VEPH1: variants seen among roughly 807,000 people sequenced by gnomAD.
VEPH1 encodes ventricular zone expressed PH domain containing 1.
A neutral mutation model predicts 85.2 loss-of-function variants in VEPH1; 80 were observed. The ratio of observed to expected loss-of-function variants is 0.94; its 90% CI spans 0.78 to 1.13. The LOEUF (loss-of-function observed/expected upper bound fraction) is 1.13, where lower values mean the gene tolerates loss of function less well. VEPH1 is among the 50% of genes most tolerant of loss of function. The pLI, the probability that VEPH1 is intolerant of heterozygous loss-of-function variation, is 0.00. For synonymous variants in VEPH1, 297 were observed against 348.0 expected (o/e 0.85, Z 1.63); for missense variants, 955 against 980.5 (o/e 0.97, Z 0.35).
chr3:157,289,444 G>C (rs562219226), intron 11 of VEPH1, among the ~76,000 whole-genome samples: 1 of 152,318 alleles, frequency 6.6e-6, no homozygotes, highest in South Asian at 2.1e-4. Flanking sequence ...TGTGCTAAAG[G>C]ATATCCACGG....
rs145236315 is a variant in VEPH1, at chr3:157,441,832, T to C, written c.530-13344A>G. Among the ~76,000 whole-genome samples the C allele has an allele frequency of 2.5e-3, 375 of 151,868 alleles. 1 individual carries two copies. Among genetic ancestry groups the C allele is most frequent in the African/African-American group, 8.6e-3 (355 of 41,408 alleles). ...CTCAAAAAAAAAAAAAAATGTATTC[T>C]GCAATAACATCACTATCCTAGAATT... On this transcript the variant is annotated intron_variant, in intron 4 of 13. Coordinates refer to ENST00000362010, the MANE Select transcript of VEPH1 (RefSeq NM_001167912.2).
chr3:157,325,593 G>C (rs1721813503), intron 9 of VEPH1, among the ~76,000 whole-genome samples: 1 of 152,146 alleles, frequency 6.6e-6, no homozygotes, highest in Non-Finnish European at 1.5e-5. Context: ...TTATTGAATA[G>C]GGAATCCTTT....
At chr3:157,411,648 G>T (rs945697050) in intron 6 of VEPH1, among the ~76,000 whole-genome samples, 2 of 152,162 alleles carry the variant, frequency 1.3e-5, no homozygotes, top group African/African-American at 2.4e-5. Context: ...CTGATATCCA[G>T]ATATACTTGG....
intron 9 of VEPH1, among the ~76,000 whole-genome samples, chr3:157,325,626 G>A (rs142098103): frequency 6.6e-6 from 1 of 151,978 alleles, no homozygotes; most frequent in South Asian, 2.1e-4. Flanking sequence ...TTTTTGTCAG[G>A]TTTGTCAAAG....
intron 7 of VEPH1, among the ~76,000 whole-genome samples, chr3:157,378,027 G>A (rs1560010148): frequency 6.6e-6 from 1 of 151,988 alleles, no homozygotes; most frequent in African/African-American, 2.4e-5. Context: ...CAGGACATGG[G>A]CCAAACTTTC....
At chr3:157,353,077 G>A (rs984508249) in intron 9 of VEPH1, among the ~76,000 whole-genome samples, 2 of 152,130 alleles carry the variant, frequency 1.3e-5, no homozygotes, top group African/African-American at 4.8e-5. Flanking sequence ...CAGCAGAGGT[G>A]GGACTGGAAC....
intron 6 of VEPH1, among the ~76,000 whole-genome samples, chr3:157,392,450 A>G (rs1729950493): frequency 6.6e-6 from 1 of 152,138 alleles, no homozygotes. Flanking sequence ...GGTCCCTCCC[A>G]CCACATGTGG....
chr3:157,432,905 T>C (rs1269730283), intron 4 of VEPH1, among the ~76,000 whole-genome samples: 1 of 152,168 alleles, frequency 6.6e-6, no homozygotes, highest in Non-Finnish European at 1.5e-5. Flanking sequence ...TCTATGTAGA[T>C]CTTTTTATGT....
chr3:157,271,359 T>C (rs1241306774), intron 12 of VEPH1, among the ~76,000 whole-genome samples: 1 of 152,112 alleles, frequency 6.6e-6, no homozygotes, highest in Non-Finnish European at 1.5e-5. Context: ...AGGAAACAGA[T>C]GGCATCTCAA....
chr3:157,494,197 C>T (rs537734213), intron 2 of VEPH1, among the ~76,000 whole-genome samples: 15 of 152,248 alleles, frequency 9.9e-5, no homozygotes, highest in South Asian at 2.1e-4. Flanking sequence ...GGAGGCTGCA[C>T]GGGTTGCCAG....
chr3:157,313,902 G>T, intron 10 of VEPH1, 147 bp from the exon 11 acceptor site: 1 of 1,072,842 alleles, frequency 9.3e-7, no homozygotes. Flanking sequence ...CTGTCTTAAA[G>T]ATCGAACATA....
At chr3:157,387,618 C>T (rs1041560179) in intron 6 of VEPH1, among the ~76,000 whole-genome samples, 72 of 152,194 alleles carry the variant, frequency 4.7e-4, no homozygotes, top group African/African-American at 1.6e-3. Flanking sequence ...CTGTGGTAGA[C>T]GTCACCAGCT....
At chr3:157,365,672 T>C (rs930687295) in intron 7 of VEPH1, among the ~76,000 whole-genome samples, 3 of 152,094 alleles carry the variant, frequency 2.0e-5, no homozygotes, top group East Asian at 3.9e-4. Context: ...GAATGACTCA[T>C]AGGACTCAGG....
rs979596417 is a variant in VEPH1 at position 157,316,910 on chromosome 3, T to TA, written c.1875+151dup. On this transcript the variant is annotated intron_variant, in intron 10 of 13. Transcript: ENST00000362010. ...TTTATAAGGAAACTATCCTAAAATA[T>TA]AAAAAACCGAGGTTAAAGTTATTAA... 18 of 696,074 alleles carry TA rather than the reference T, an allele frequency of 2.6e-5. No individual in the cohort carries two copies. In the Middle Eastern group the frequency reaches 9.6e-4, roughly 37 times the overall value. The allele number at this position is 696,074 out of a possible 1,614,324, so 43.1% of individuals were successfully genotyped here.
intron 4 of VEPH1, among the ~76,000 whole-genome samples, chr3:157,430,754 T>G (rs180729817): frequency 6.6e-6 from 1 of 152,138 alleles, no homozygotes; most frequent in East Asian, 1.9e-4. Context: ...TCCCTAGGAG[T>G]TGACTTTGTA....
intron 2 of VEPH1, among the ~76,000 whole-genome samples, chr3:157,490,378 G>A (rs1323998366): frequency 6.6e-6 from 1 of 151,108 alleles, no homozygotes; most frequent in Admixed American, 6.6e-5. Context: ...ATACAAAATA[G>A]TCCAAGTTAA....
chr3:157,332,675 G>T (rs892576949), intron 9 of VEPH1, among the ~76,000 whole-genome samples: 1 of 151,906 alleles, frequency 6.6e-6, no homozygotes, highest in Non-Finnish European at 1.5e-5. Context: ...CTACCTTTTG[G>T]TCATTGTGAA....
At chr3:157,292,666 T>C (rs762466852) in intron 11 of VEPH1, among the ~76,000 whole-genome samples, 3 of 151,068 alleles carry the variant, frequency 2.0e-5, no homozygotes, top group Non-Finnish European at 4.4e-5. Flanking sequence ...CACTGCAGTC[T>C]GGGCAACAGA....
At chr3:157,357,561 C>T (rs933367081) in intron 9 of VEPH1, among the ~76,000 whole-genome samples, 3 of 150,972 alleles carry the variant, frequency 2.0e-5, no homozygotes, top group South Asian at 4.2e-4. Context: ...AGTGTGATCT[C>T]GGCTCACTGC....
Sources: gnomAD v4.1 joint callset for allele counts (sites outside exome capture counted in the v4.1 genomes callset) on GRCh38, gnomAD v4.1.1 for gene constraint, MANE v1.5 for transcripts, NCBI Gene and HGNC (gene_info 2026-07-23, HGNC 2026-07-21) for gene names.